ARHGAP6: variants seen among roughly 807,000 people sequenced by gnomAD.
The protein encoded by ARHGAP6 is rho GTPase-activating protein 6.
A neutral mutation model predicts 55.7 loss-of-function variants in ARHGAP6; 16 were observed. The ratio of observed to expected loss-of-function variants is 0.29; its 90% CI spans 0.19 to 0.44. The LOEUF is 0.44. Among genes scored for constraint, ARHGAP6 ranks in the 20% least tolerant of loss-of-function variants. The probability of loss-of-function intolerance (pLI) is 1.00; values close to 1 mark genes in which losing one functional copy is unlikely to be tolerated. For synonymous variants in ARHGAP6, 382 were observed against 360.9 expected (o/e 1.06, Z -0.66); for missense variants, 698 against 808.9 (o/e 0.86, Z 1.66).
At chrX:11,599,740 T>C (rs2147141285) in intron 1 of ARHGAP6, among the ~76,000 whole-genome samples, 1 of 111,581 alleles carries the variant, frequency 9.0e-6, no homozygotes, top group Non-Finnish European at 1.9e-5. Flanking sequence ...TAGTGTATAC[T>C]TGAAATTTGC....
intron 8 of ARHGAP6, among the ~76,000 whole-genome samples, chrX:11,176,038 T>C (rs959480562): frequency 9.7e-6 from 1 of 102,804 alleles, no homozygotes; most frequent in African/African-American, 3.5e-5. Flanking sequence ...CTAATAACTC[T>C]GCAAATCTCC....
intron 1 of ARHGAP6, among the ~76,000 whole-genome samples, chrX:11,578,665 T>C (rs776216056): frequency 8.9e-5 from 10 of 111,876 alleles, no homozygotes; most frequent in African/African-American, 2.9e-4. Flanking sequence ...TTTAACCCAG[T>C]GATCCCATTA....
intron 1 of ARHGAP6, among the ~76,000 whole-genome samples, chrX:11,636,137 A>T (rs1269101106): frequency 9.0e-6 from 1 of 111,497 alleles, no homozygotes; most frequent in African/African-American, 3.3e-5. Context: ...AACAGGGACA[A>T]TTCAGGTTAT....
At chrX:11,300,565 A>G (rs779253128) in intron 1 of ARHGAP6, 2 of 1,127,253 alleles carry the variant, frequency 1.8e-6, no homozygotes, top group Admixed American at 4.4e-5. Flanking sequence ...CACTAGGAAC[A>G]TTTGTAAATT....
Position 11,553,752 on chromosome X carries a change from G to C in ARHGAP6, c.588+110489C>G, listed in dbSNP as rs181913054. Among the ~76,000 whole-genome samples the C allele has an allele frequency of 5.4e-5, 6 of 111,775 alleles. No homozygotes were observed. In the East Asian group the frequency reaches 1.7e-3, roughly 31 times the overall value. ...CCAAATGGATGAATAAGGAAAGGAA[G>C]AACAAAGAATATCAACATGTATTAC... On this transcript the variant is annotated intron_variant, in intron 1 of 12. Coordinates refer to ENST00000337414, the MANE Select transcript of ARHGAP6 (RefSeq NM_013427.3).
intron 1 of ARHGAP6, among the ~76,000 whole-genome samples, chrX:11,544,630 T>C (rs1213275430): frequency 8.9e-6 from 1 of 112,112 alleles, no homozygotes; most frequent in Non-Finnish European, 1.9e-5. Context: ...GTTCATCTTA[T>C]TTGTTTCAAG....
chrX:11,239,508 T>C (rs986310676), intron 2 of ARHGAP6, among the ~76,000 whole-genome samples: 8 of 111,232 alleles, frequency 7.2e-5, no homozygotes, highest in African/African-American at 2.6e-4. Flanking sequence ...ACATCTATTA[T>C]GTTTGCCATT....
intron 1 of ARHGAP6, among the ~76,000 whole-genome samples, chrX:11,608,107 C>G (rs1195819285): frequency 9.0e-6 from 1 of 111,527 alleles, no homozygotes; most frequent in Non-Finnish European, 1.9e-5. Flanking sequence ...AAATATATTT[C>G]AGTTTTACAA....
chrX:11,200,323 C>T (rs1003174094), intron 2 of ARHGAP6, among the ~76,000 whole-genome samples: 3 of 112,022 alleles, frequency 2.7e-5, no homozygotes, highest in Non-Finnish European at 5.6e-5. Flanking sequence ...CTCCCTTTGC[C>T]CTCTTTTGTG....
chrX:11,340,536 T>C (rs1182357162), intron 1 of ARHGAP6, among the ~76,000 whole-genome samples: 3 of 111,009 alleles, frequency 2.7e-5, no homozygotes, highest in East Asian at 2.8e-4. Context: ...GAGACCATCC[T>C]GGCTAACACG....
intron 1 of ARHGAP6, among the ~76,000 whole-genome samples, chrX:11,560,580 G>T (rs2051375295): frequency 8.9e-6 from 1 of 112,052 alleles, no homozygotes; most frequent in African/African-American, 3.2e-5. Context: ...ACCATACCCA[G>T]TTTTGTGGGT....
At chrX:11,278,102 C>T (rs1356773255) in intron 1 of ARHGAP6, among the ~76,000 whole-genome samples, 4 of 111,696 alleles carry the variant, frequency 3.6e-5, no homozygotes, top group Non-Finnish European at 7.5e-5. Flanking sequence ...CACGACCCCA[C>T]ACCCTCCAGG....
At chrX:11,266,911 C>T (rs928668196) in intron 1 of ARHGAP6, among the ~76,000 whole-genome samples, 6 of 104,520 alleles carry the variant, frequency 5.7e-5, no homozygotes, top group African/African-American at 2.1e-4. Flanking sequence ...CCACACATAG[C>T]CTCTGCTGCT....
chrX:11,544,068 G>A (rs2051187673), intron 1 of ARHGAP6, among the ~76,000 whole-genome samples: 1 of 112,000 alleles, frequency 8.9e-6, no homozygotes, highest in Non-Finnish European at 1.9e-5. Flanking sequence ...TCACTCTTAA[G>A]GCTCCCTATG....
At chrX:11,237,816 T>C (rs1431812961) in intron 2 of ARHGAP6, among the ~76,000 whole-genome samples, 2 of 111,863 alleles carry the variant, frequency 1.8e-5, no homozygotes, top group Non-Finnish European at 3.8e-5. Flanking sequence ...GGTGGCAGAG[T>C]AGGGAAGTGG....
Position 11,333,059 on chromosome X carries a change from C to T in ARHGAP6, c.589-78352G>A, listed in dbSNP as rs747703485. Among the ~76,000 whole-genome samples the T allele has an allele frequency of 2.9e-4, 33 of 111,971 alleles. 1 individual carries two copies. The highest frequency in any genetic ancestry group is 4.7e-3 in the Middle Eastern group (1 of 215). ...CAGCAGGAGACAATTACACAATCATCGAAGAAGATGCTCAGATAAATTGCA... is the reference window on the plus strand; with the variant it reads ...CAGCAGGAGACAATTACACAATCATTGAAGAAGATGCTCAGATAAATTGCA... On this transcript the variant is annotated intron_variant, in intron 1 of 12. Coordinates refer to ENST00000337414, the MANE Select transcript of ARHGAP6 (RefSeq NM_013427.3).
intron 1 of ARHGAP6, among the ~76,000 whole-genome samples, chrX:11,389,417 T>A (rs1337624250): frequency 8.9e-6 from 1 of 112,466 alleles, no homozygotes; most frequent in South Asian, 3.6e-4. Context: ...AATAAAATTA[T>A]CCTGTGGGTT....
At chrX:11,156,366 G>A (rs1040792750) in intron 10 of ARHGAP6, among the ~76,000 whole-genome samples, 163 bp downstream of exon 10, 2 of 112,326 alleles carry the variant, frequency 1.8e-5, no homozygotes, top group African/African-American at 6.5e-5. Context: ...GATGGGACCC[G>A]AAGCATTTTC....
chrX:11,329,608 A>G (rs1352712056), intron 1 of ARHGAP6, among the ~76,000 whole-genome samples: 2 of 112,588 alleles, frequency 1.8e-5, no homozygotes, highest in African/African-American at 6.4e-5. Flanking sequence ...ATATATCCTG[A>G]GAAAACTGTC....
Sources: allele counts gnomAD v4.1 joint callset (sites outside exome capture counted in the v4.1 genomes callset), GRCh38; gene constraint gnomAD v4.1.1; transcripts MANE v1.5; gene names NCBI Gene and HGNC (gene_info 2026-07-23, HGNC 2026-07-21).